CLASP1: variants seen among roughly 807,000 people sequenced by gnomAD.
The protein encoded by CLASP1 is CLIP-associating protein 1.
Under a neutral mutation model 192.3 loss-of-function variants are expected in CLASP1, and 38 were observed. The ratio of observed to expected loss-of-function variants is 0.20; its 90% confidence interval spans 0.15 to 0.26. CLASP1 has a LOEUF of 0.26. CLASP1 is among the 10% of genes least tolerant of loss of function. The pLI is 1.00. For missense variants in CLASP1, 1,433 were observed against 1,932.5 expected, an observed-to-expected ratio of 0.74 and a Z score of 4.85; for synonymous variants, 691 against 712.8, an observed-to-expected ratio of 0.97 and a Z score of 0.49.
At chr2:121,525,400 A>AC (rs1479441646) in intron 6 of CLASP1, among the ~76,000 whole-genome samples, 1 of 152,076 alleles carries the variant, frequency 6.6e-6, no homozygotes, top group Non-Finnish European at 1.5e-5. Context: ...CAGTGGAGCC[A>AC]CCCCCCAAAG....
intron 8 of CLASP1, among the ~76,000 whole-genome samples, chr2:121,492,047 A>G (rs1395497733): frequency 6.6e-6 from 1 of 152,244 alleles, no homozygotes; most frequent in East Asian, 1.9e-4. Flanking sequence ...AAGCAACAAA[A>G]GAAAAAAATA....
intron 27 of CLASP1, 42 bp downstream of exon 28, chr2:121,401,826 G>A: frequency 2.6e-6 from 2 of 774,514 alleles, no homozygotes; most frequent in Non-Finnish European, 4.7e-6. Context: ...GAAGGAAAAT[G>A]TAGTGCAGAA....
At chr2:121,386,962 TTA>T (rs1398536270) in intron 32 of CLASP1, among the ~76,000 whole-genome samples, 158 bp downstream of exon 33, 4 of 152,220 alleles carry the variant, frequency 2.6e-5, no homozygotes, top group African/African-American at 9.6e-5. Flanking sequence ...TTGCATAAGA[TTA>T]TACAGTTACA....
At chr2:121,570,975 C>T (rs927301141) in intron 2 of CLASP1, among the ~76,000 whole-genome samples, 4 of 152,048 alleles carry the variant, frequency 2.6e-5, no homozygotes, top group Admixed American at 2.0e-4. Flanking sequence ...TCCTGCCTTA[C>T]AGAACCATGG....
intron 1 of CLASP1, among the ~76,000 whole-genome samples, chr2:121,637,887 A>C (rs111494971): frequency 6.6e-6 from 1 of 150,630 alleles, no homozygotes; most frequent in Non-Finnish European, 1.5e-5. Flanking sequence ...CTCCATCTCA[A>C]AAAAAAAAAG....
At chr2:121,455,809 C>G (rs2086527664) in intron 14 of CLASP1, among the ~76,000 whole-genome samples, 1 of 151,828 alleles carries the variant, frequency 6.6e-6, no homozygotes, top group African/African-American at 2.4e-5. Context: ...TTGCAGGGAG[C>G]CATGATTGTG....
chr2:121,444,138 C>CA (rs2083879233), intron 19 of CLASP1, among the ~76,000 whole-genome samples: 1 of 152,128 alleles, frequency 6.6e-6, no homozygotes, highest in African/African-American at 2.4e-5. Flanking sequence ...ATGCACTTAT[C>CA]AAAAACCTGC....
At chr2:121,352,850 CACCACGTTG>C (rs1020262918) in intron 37 of CLASP1, among the ~76,000 whole-genome samples, 1 of 151,920 alleles carries the variant, frequency 6.6e-6, no homozygotes, top group Non-Finnish European at 1.5e-5. Flanking sequence ...GACGGGGTTT[CACCACGTTG>C]ACCAGGCTGG....
In CLASP1 at chr2:121,410,303, T is replaced by C. The variant is rs2077512557; in HGVS notation, c.2424+563A>G. Among the ~76,000 whole-genome samples, 3 of 152,314 alleles carry C rather than the reference T, an allele frequency of 2.0e-5. No individual in the cohort carries two copies. In the South Asian group the frequency reaches 6.2e-4, roughly 32 times the overall value. On this transcript the variant is annotated intron_variant, in intron 24 of 39. Transcript: ENST00000263710. ...AAAAAAATTAAAGGATCCATGATCA[T>C]TTATGTTTTTCAGATATTACACTAT...
chr2:121,457,452 C>G (rs1266731485), intron 14 of CLASP1, among the ~76,000 whole-genome samples: 1 of 139,928 alleles, frequency 7.1e-6, no homozygotes, highest in Non-Finnish European at 1.5e-5. Context: ...TTCTCTCACA[C>G]AGACATACAC....
chr2:121,559,245 G>T (rs1049368233), intron 2 of CLASP1, among the ~76,000 whole-genome samples: 1 of 152,268 alleles, frequency 6.6e-6, no homozygotes, highest in Admixed American at 6.5e-5. Context: ...AACATTATTG[G>T]TGGGATTATA....
intron 1 of CLASP1, among the ~76,000 whole-genome samples, chr2:121,645,500 A>C (rs1216638013): frequency 6.6e-6 from 1 of 152,200 alleles, no homozygotes; most frequent in South Asian, 2.1e-4. Context: ...CTACATTAGG[A>C]TACATTTGTT....
At chr2:121,634,943 G>T (rs1019918212) in intron 1 of CLASP1, among the ~76,000 whole-genome samples, 1 of 152,166 alleles carries the variant, frequency 6.6e-6, no homozygotes. Context: ...TCTCCATAAA[G>T]AAGGATGGAG....
intron 1 of CLASP1, among the ~76,000 whole-genome samples, chr2:121,616,151 A>T (rs2066424940): frequency 2.0e-5 from 3 of 152,182 alleles, no homozygotes; most frequent in African/African-American, 7.2e-5. Flanking sequence ...AACCACATTA[A>T]AAAATCTCCC....
At chr2:121,486,502 T>C (rs1471165408) in intron 8 of CLASP1, among the ~76,000 whole-genome samples, 1 of 152,108 alleles carries the variant, frequency 6.6e-6, no homozygotes, top group Non-Finnish European at 1.5e-5. Flanking sequence ...TATTTTACCT[T>C]CCAACTTGCC....
chr2:121,478,657 C>CACA (rs2091983668), intron 8 of CLASP1, among the ~76,000 whole-genome samples: 1 of 97,258 alleles, frequency 1.0e-5, no homozygotes, highest in Non-Finnish European at 2.2e-5. Context: ...CCCACACACA[C>CACA]ACACCCCCCA....
chr2:121,520,753 T>G (rs371200213), intron 6 of CLASP1, among the ~76,000 whole-genome samples: 2 of 152,208 alleles, frequency 1.3e-5, no homozygotes, highest in African/African-American at 2.4e-5. Flanking sequence ...AAGGGAATTC[T>G]TATTGTTAGG....
chr2:121,636,031 G>T (rs1044097545), intron 1 of CLASP1, among the ~76,000 whole-genome samples: 3 of 151,912 alleles, frequency 2.0e-5, no homozygotes, highest in Non-Finnish European at 4.4e-5. Flanking sequence ...ATGAGACCTT[G>T]TTTCTAAAAA....
chr2:121,508,398 C>G (rs568509898), intron 7 of CLASP1, among the ~76,000 whole-genome samples: 1 of 152,122 alleles, frequency 6.6e-6, no homozygotes, highest in Non-Finnish European at 1.5e-5. Flanking sequence ...TAGTAGTACA[C>G]TAGAAAATAT....
Sources: gnomAD v4.1 joint callset for allele counts (sites outside exome capture counted in the v4.1 genomes callset) on GRCh38, gnomAD v4.1.1 for gene constraint, MANE v1.5 for transcripts, NCBI Gene and HGNC (gene_info 2026-07-23, HGNC 2026-07-21) for gene names.